The following TCERG1 variants were observed in gnomAD, a reference collection of about 807,000 sequenced individuals.
TCERG1 encodes the protein TATA box binding protein (TBP)-associated factor, RNA polymerase II, S, 150kD.
A neutral mutation model predicts 144.7 loss-of-function variants in TCERG1; 37 were observed. The observed-to-expected ratio is 0.26, with a 90% CI of 0.20 to 0.34. The LOEUF (loss-of-function observed/expected upper bound fraction) is 0.34. TCERG1 is among the 10% of genes least tolerant of loss of function. The pLI is 1.00. For synonymous variants in TCERG1, 492 were observed against 458.2 expected, an observed-to-expected ratio of 1.07 and a Z score of -0.94; for missense variants, 1,027 against 1,380.7, an observed-to-expected ratio of 0.74 and a Z score of 4.06.
chr5:146,473,456 TC>T (rs1764534995), intron 9 of TCERG1, among the ~76,000 whole-genome samples: 1 of 152,120 alleles, frequency 6.6e-6, no homozygotes, highest in African/African-American at 2.4e-5. Flanking sequence ...ATCCAGAAGA[TC>T]AAGTTAAGGT....
intron 9 of TCERG1, among the ~76,000 whole-genome samples, chr5:146,477,680 A>G (rs923111442): frequency 2.1e-5 from 3 of 139,970 alleles, no homozygotes; most frequent in Non-Finnish European, 4.6e-5. Context: ...CCCTAGTGCA[A>G]TTGGTACTTT....
chr5:146,509,693 A>G (rs1237418919), intron 22 of TCERG1, among the ~76,000 whole-genome samples: 1 of 151,778 alleles, frequency 6.6e-6, no homozygotes, highest in Non-Finnish European at 1.5e-5. Context: ...TTTCCCTCAG[A>G]GGAAAGCATT....
intron 9 of TCERG1, among the ~76,000 whole-genome samples, chr5:146,473,486 C>A (rs969606785): frequency 2.6e-5 from 4 of 152,192 alleles, no homozygotes; most frequent in Non-Finnish European, 5.9e-5. Flanking sequence ...AGGGCAATTA[C>A]ACTAAACAAG....
At chr5:146,475,491 C>T (rs1764753718) in intron 9 of TCERG1, among the ~76,000 whole-genome samples, 1 of 152,146 alleles carries the variant, frequency 6.6e-6, no homozygotes. Flanking sequence ...TCCTATTATG[C>T]ACTGGACTGC....
intron 16 of TCERG1, among the ~76,000 whole-genome samples, chr5:146,498,135 T>A (rs1767103656): frequency 6.6e-6 from 1 of 152,178 alleles, no homozygotes; most frequent in Non-Finnish European, 1.5e-5. Flanking sequence ...TTGCCTCATA[T>A]ACTTTTGTCC....
intron 1 of TCERG1, among the ~76,000 whole-genome samples, 157 bp from the exon 2 acceptor site, chr5:146,454,899 A>G (rs1037714693): frequency 1.3e-5 from 2 of 152,146 alleles, no homozygotes; most frequent in African/African-American, 2.4e-5. Context: ...CACCCGGCCC[A>G]TTGATGTAGT....
At chr5:146,457,984 G>C (rs1160008558) in intron 3 of TCERG1, among the ~76,000 whole-genome samples, 3 of 152,056 alleles carry the variant, frequency 2.0e-5, no homozygotes, top group African/African-American at 2.4e-5. Flanking sequence ...TGAGTAGCTG[G>C]AGTTACAGGC....
intron 11 of TCERG1, 40 bp downstream of exon 11, chr5:146,479,951 C>G (rs1765190332): frequency 6.2e-7 from 1 of 1,607,886 alleles, no homozygotes; most frequent in Non-Finnish European, 8.5e-7. Flanking sequence ...CTTTTTAATA[C>G]TATTAAAGCA....
intron 5 of TCERG1, 65 bp downstream of exon 5, chr5:146,463,858 A>G: frequency 1.3e-6 from 2 of 1,599,924 alleles, no homozygotes; most frequent in Non-Finnish European, 8.5e-7. Flanking sequence ...GTTTGTTCTC[A>G]TGTGTCTGTT....
chr5:146,511,954 T>C lies in TCERG1; in HGVS notation c.*1312T>C, dbSNP rs562763991. ...CAGAGTGCCACATAAATAAAATGTTTAACAAAATATATATGTTAATAGAAT... is the reference window on the plus strand; with the variant it reads ...CAGAGTGCCACATAAATAAAATGTTCAACAAAATATATATGTTAATAGAAT... On this transcript the variant is annotated 3_prime_UTR_variant, in exon 23 of 23. Coordinates refer to ENST00000679501, the MANE Select transcript of TCERG1 (RefSeq NM_001382548.1). 14 of 152,368 alleles carry C rather than the reference T, an allele frequency of 9.2e-5. No homozygotes were observed. The highest frequency in any genetic ancestry group is 1.3e-4 in the Non-Finnish European group (9 of 68,034). The allele number at this position is 152,368 out of a possible 1,614,324, so 9.4% of individuals were successfully genotyped here.
Position 146,459,138 on chromosome 5 carries a change from TCAGGCACAAGCTCAGGCCCAGGCC to T in TCERG1, c.699_722del (p.Ala235_Gln242del), listed in dbSNP as rs757270908. On this transcript the variant is annotated inframe_deletion, in exon 4 of 23. Transcript: ENST00000679501. Reference sequence around the variant, plus strand: ...CCCAAGCCCAGGCCCAGGCTCAGGCTCAGGCACAAGCTCAGGCCCAGGCCCAGGCTCAGGTCCAGGCCCAGGTCC... The same window carrying T: ...CCCAAGCCCAGGCCCAGGCTCAGGCTCAGGCTCAGGTCCAGGCCCAGGTCC... 13 of 1,599,538 alleles carry T rather than the reference TCAGGCACAAGCTCAGGCCCAGGCC, an allele frequency of 8.1e-6. No individual in the cohort carries two copies. Among genetic ancestry groups the T allele is most frequent in the Non-Finnish European group, 1.1e-5 (13 of 1,171,540 alleles).
intron 9 of TCERG1, among the ~76,000 whole-genome samples, chr5:146,474,514 A>G (rs773064334): frequency 2.0e-5 from 3 of 152,204 alleles, no homozygotes; most frequent in African/African-American, 7.2e-5. Flanking sequence ...TTCCATTTTG[A>G]TTGATGCCAA....
chr5:146,472,483 T>C (rs532290125), intron 9 of TCERG1, among the ~76,000 whole-genome samples: 1 of 152,302 alleles, frequency 6.6e-6, no homozygotes, highest in South Asian at 2.1e-4. Context: ...GTTGTAATTG[T>C]TTTGGGGTGC....
chr5:146,507,636 T>A lies in TCERG1; in HGVS notation c.2962-237T>A. 1 of 394,862 alleles carries A rather than the reference T, an allele frequency of 2.5e-6. No homozygotes were observed. The highest frequency in any genetic ancestry group is 4.5e-6 in the Non-Finnish European group (1 of 223,846). 24.5% of individuals were successfully genotyped at this position (394,862 alleles called of 1,614,324 possible). ...ATGTTTGCCCATGTAAATACAGGGTTTGCAGGTGATTGTCTTAGGCCACCT... is the reference window on the plus strand; with the variant it reads ...ATGTTTGCCCATGTAAATACAGGGTATGCAGGTGATTGTCTTAGGCCACCT... On this transcript the variant is annotated intron_variant, in intron 20 of 22. Coordinates refer to ENST00000679501, the MANE Select transcript of TCERG1 (RefSeq NM_001382548.1). The surrounding 1 kb of genome is among the most constrained non-coding windows in gnomAD (Gnocchi z 4.6).
At chr5:146,483,323 C>T in intron 14 of TCERG1, among the ~76,000 whole-genome samples, 1 of 152,196 alleles carries the variant, frequency 6.6e-6, no homozygotes, top group Middle Eastern at 3.4e-3. Context: ...AATTAAGTGT[C>T]TGTTATTTCT....
chr5:146,473,331 G>C (rs764008412), intron 9 of TCERG1, among the ~76,000 whole-genome samples: 3 of 152,220 alleles, frequency 2.0e-5, no homozygotes, highest in Admixed American at 1.3e-4. Flanking sequence ...GAAAGCTGCA[G>C]AAGAAGAGTT....
chr5:146,460,087 A>C (rs1181602094), intron 4 of TCERG1, among the ~76,000 whole-genome samples: 1 of 152,090 alleles, frequency 6.6e-6, no homozygotes, highest in Non-Finnish European at 1.5e-5. Flanking sequence ...AATCTCTTTT[A>C]GAATAGTTTC....
intron 22 of TCERG1, among the ~76,000 whole-genome samples, chr5:146,509,501 T>A (rs1048672448): frequency 6.0e-4 from 92 of 152,156 alleles, no homozygotes; most frequent in African/African-American, 2.2e-3. Flanking sequence ...CCTTTTTTTT[T>A]TTTTTACTTC....
chr5:146,478,260 A>T (rs1014984894), intron 9 of TCERG1, among the ~76,000 whole-genome samples: 3 of 152,174 alleles, frequency 2.0e-5, no homozygotes, highest in African/African-American at 4.8e-5. Context: ...TCTGATCACA[A>T]ATTGCTTTGC....
Sources: gnomAD v4.1 joint callset for allele counts (sites outside exome capture counted in the v4.1 genomes callset) on GRCh38, gnomAD v4.1.1 for gene constraint, Gnocchi (gnomAD v3.1) non-coding constraint, MANE v1.5 for transcripts, NCBI Gene and HGNC (gene_info 2026-07-23, HGNC 2026-07-21) for gene names.